ABL2: variants seen among roughly 807,000 people sequenced by gnomAD.
ABL2 encodes ABL proto-oncogene 2, non-receptor tyrosine kinase.
In ABL2, 49 loss-of-function variants were observed where a neutral mutation model predicts 107.7. The observed-to-expected ratio is 0.45, with a 90% CI of 0.36 to 0.58. The LOEUF (loss-of-function observed/expected upper bound fraction) is 0.58. ABL2 is among the 20% of genes least tolerant of loss of function. The pLI is 0.00. For synonymous variants in ABL2, 549 were observed against 548.6 expected (o/e 1.00, Z -0.01); for missense variants, 1,245 against 1,457.0 (o/e 0.85, Z 2.37).
At chr1:179,219,412 G>A (rs1662756724) in intron 1 of ABL2, among the ~76,000 whole-genome samples, 1 of 151,982 alleles carries the variant, frequency 6.6e-6, no homozygotes, top group Admixed American at 6.6e-5. Flanking sequence ...GAAAAAAAAA[G>A]GTCTTAAAGG....
At chr1:179,180,475 C>T (rs1448856422) in intron 1 of ABL2, among the ~76,000 whole-genome samples, 3 of 152,174 alleles carry the variant, frequency 2.0e-5, no homozygotes, top group Non-Finnish European at 4.4e-5. Flanking sequence ...CTGAATGAGA[C>T]TCTGCTGCTA....
chr1:179,187,286 T>A (rs1227589655), intron 1 of ABL2, among the ~76,000 whole-genome samples: 2 of 152,220 alleles, frequency 1.3e-5, no homozygotes, highest in African/African-American at 4.8e-5. Context: ...GTTTAAATTT[T>A]CCAAGTTGAC....
chr1:179,120,527 C>T (rs1393422689), intron 5 of ABL2, among the ~76,000 whole-genome samples: 3 of 152,082 alleles, frequency 2.0e-5, no homozygotes, highest in African/African-American at 4.8e-5. Flanking sequence ...TGGGCTCAAG[C>T]GATTCTCCTG....
chr1:179,105,182 T>G lies in ABL2; in HGVS notation c.*2536A>C, dbSNP rs1030049434. ...AAGACAGCTAGGTGCTGCCCCTGAG[T>G]AAGACACAGCCCCCACCCCCTACCC... On this transcript the variant is annotated 3_prime_UTR_variant, in exon 12 of 12. Transcript: ENST00000502732. 5 of 230,598 alleles carry G rather than the reference T, an allele frequency of 2.2e-5. No individual in the cohort carries two copies. The highest frequency in any genetic ancestry group is 1.1e-4 in the African/African-American group (5 of 45,186). The allele number at this position is 230,598 out of a possible 1,614,324, so 14.3% of individuals were successfully genotyped here. A position where few individuals can be genotyped will look rare whatever the true frequency, so the allele number is the denominator to read the frequency against.
At chr1:179,196,111 T>A (rs993227806) in intron 1 of ABL2, among the ~76,000 whole-genome samples, 1 of 152,190 alleles carries the variant, frequency 6.6e-6, no homozygotes. Context: ...AGTTCCTAGA[T>A]GCCAGCCAAG....
intron 3 of ABL2, among the ~76,000 whole-genome samples, chr1:179,129,508 C>T (rs959110382): frequency 6.6e-6 from 1 of 151,974 alleles, no homozygotes; most frequent in Non-Finnish European, 1.5e-5. Context: ...TGGGTGAAAC[C>T]CTGTCTCTAC....
At position 179,099,492 on chromosome 1, in the gene ABL2, T is replaced by C. The variant is rs1459272602; in HGVS notation, c.*8226A>G. 9.0e-6 allele frequency: 2 copies of C among 222,842 alleles called. No individual in the cohort carries two copies. Among genetic ancestry groups the C allele is most frequent in the Non-Finnish European group, 1.8e-5 (2 of 111,680 alleles). The allele number at this position is 222,842 out of a possible 1,614,324, so 13.8% of individuals were successfully genotyped here. On this transcript the variant is annotated 3_prime_UTR_variant, in exon 12 of 12. Coordinates refer to ENST00000502732, the MANE Select transcript of ABL2 (RefSeq NM_007314.4). The stretch of plus-strand genomic sequence containing the variant: ...AGACAACAGACGGAGAGAATTAAAT[T>C]AGAAAAACAACTGAAAATATATTAC...
At chr1:179,208,432 T>C (rs935115167) in intron 1 of ABL2, among the ~76,000 whole-genome samples, 1 of 152,184 alleles carries the variant, frequency 6.6e-6, no homozygotes, top group Admixed American at 6.5e-5. Context: ...ATTAATTCAC[T>C]TAGGATAATG....
chr1:179,160,801 G>A (rs774161507), intron 1 of ABL2, among the ~76,000 whole-genome samples: 7 of 152,090 alleles, frequency 4.6e-5, no homozygotes, highest in Admixed American at 1.3e-4. Context: ...TCTGTGTGGC[G>A]AGGCAGTGGG....
At chr1:179,109,712 A>G (rs2102582180) in intron 11 of ABL2, among the ~76,000 whole-genome samples, 1 of 152,226 alleles carries the variant, frequency 6.6e-6, no homozygotes, top group East Asian at 1.9e-4. Flanking sequence ...GAGGATCAGG[A>G]GGTCAGGAGA....
intron 1 of ABL2, chr1:179,220,981 T>G: frequency 5.0e-6 from 1 of 200,188 alleles, no homozygotes; most frequent in Admixed American, 5.0e-5. Context: ...GTAGACTGGA[T>G]GTACTTTTAC....
intron 1 of ABL2, among the ~76,000 whole-genome samples, chr1:179,147,181 CAAAAAA>C (rs58297805): frequency 7.9e-5 from 4 of 50,528 alleles, no homozygotes; most frequent in Admixed American, 3.4e-4. Flanking sequence ...CAGAGAAATG[CAAAAAA>C]AAAAAAAAAA....
At chr1:179,198,267 T>C (rs531143692) in intron 1 of ABL2, among the ~76,000 whole-genome samples, 1 of 149,344 alleles carries the variant, frequency 6.7e-6, no homozygotes, top group East Asian at 2.0e-4. Context: ...AGGGAGAGAA[T>C]ACGATAAAAT....
chr1:179,199,217 C>T (rs561945222), intron 1 of ABL2, among the ~76,000 whole-genome samples: 19 of 152,252 alleles, frequency 1.2e-4, no homozygotes, highest in Admixed American at 3.3e-4. Context: ...GTTATTGAAA[C>T]CTACTAACAC....
At chr1:179,197,945 G>A (rs188299469) in intron 1 of ABL2, among the ~76,000 whole-genome samples, 149 of 151,806 alleles carry the variant, frequency 9.8e-4, no homozygotes, top group Non-Finnish European at 1.7e-3. Context: ...AGGCTGAGGC[G>A]GGCGGATCAC....
At chr1:179,177,890 T>C (rs536116335) in intron 1 of ABL2, among the ~76,000 whole-genome samples, 1 of 152,348 alleles carries the variant, frequency 6.6e-6, no homozygotes, top group East Asian at 1.9e-4. Flanking sequence ...CACAGACTTC[T>C]AATAGAATAC....
At position 179,132,980 on chromosome 1, in the gene ABL2, T is replaced by G. The variant is rs570510127; in HGVS notation, c.220+332A>C. ...TTCAAGCAATTCTACTGCCTCAGCC[T>G]CCCGAGTAGGTGGGATTACAGGTGC... On this transcript the variant is annotated intron_variant, in intron 2 of 11. Transcript: ENST00000502732. Among the ~76,000 whole-genome samples, 354 of 152,052 alleles carry G rather than the reference T, an allele frequency of 2.3e-3. 1 individual carries two copies. The highest frequency in any genetic ancestry group is 8.2e-3 in the African/African-American group (339 of 41,470).
chr1:179,116,146 G>A (rs895184554), intron 8 of ABL2, among the ~76,000 whole-genome samples: 5 of 152,244 alleles, frequency 3.3e-5, no homozygotes, highest in African/African-American at 1.2e-4. Context: ...GGCCAAGGCA[G>A]GTGGATCATT....
chr1:179,181,949 T>TTC (rs1553229656), intron 1 of ABL2, among the ~76,000 whole-genome samples: 6 of 133,162 alleles, frequency 4.5e-5, no homozygotes, highest in African/African-American at 1.7e-4. Context: ...CCCGGCTATT[T>TTC]TTTTTTTTTT....
Sources: gnomAD v4.1 joint callset for allele counts (sites outside exome capture counted in the v4.1 genomes callset) on GRCh38, gnomAD v4.1.1 for gene constraint, MANE v1.5 for transcripts, NCBI Gene and HGNC (gene_info 2026-07-23, HGNC 2026-07-21) for gene names.